Variants in PIEZO2 observed in about 807,000 individuals in gnomAD.
The protein encoded by PIEZO2 is piezo-type mechanosensitive ion channel component 2.
A neutral mutation model predicts 337.3 loss-of-function variants in PIEZO2; 172 were observed. The ratio of observed to expected loss-of-function variants is 0.51; its 90% CI spans 0.45 to 0.58. The LOEUF (loss-of-function observed/expected upper bound fraction) is 0.58, where lower values mean the gene tolerates loss of function less well. Ranked by LOEUF, PIEZO2 falls within the 20% of genes least tolerant of loss-of-function variation. The pLI is 0.00. For synonymous variants in PIEZO2, 1,251 were observed against 1,228.5 expected (o/e 1.02, Z -0.38); for missense variants, 3,028 against 3,391.3 (o/e 0.89, Z 2.66).
At chr18:10,742,223 C>G (rs1329100928) in intron 32 of PIEZO2, among the ~76,000 whole-genome samples, 6 of 152,196 alleles carry the variant, frequency 3.9e-5, no homozygotes, top group African/African-American at 1.4e-4. Context: ...ACTGCAGAAA[C>G]AGATGTCTGT....
Position 10,987,027 on chromosome 18 carries a change from A to G in PIEZO2, c.161-7367T>C, listed in dbSNP as rs141459298. ...GAGGTGAAAGATCTGTACATTGACT[A>G]GTATAAAACATTGTTGAAAGAAATT... On this transcript the variant is annotated intron_variant, in intron 2 of 55. Coordinates refer to ENST00000674853, the MANE Select transcript of PIEZO2 (RefSeq NM_001378183.1). Among the ~76,000 whole-genome samples, 76 of 152,190 alleles carry G rather than the reference A, an allele frequency of 5.0e-4. No homozygotes were observed. In the East Asian group the frequency reaches 8.5e-3, roughly 17 times the overall value.
At position 11,110,689 on chromosome 18, in the gene PIEZO2, C is replaced by T. The variant is rs570537470; in HGVS notation, c.64+37836G>A. On this transcript the variant is annotated intron_variant, in intron 1 of 55. Coordinates refer to ENST00000674853, the MANE Select transcript of PIEZO2 (RefSeq NM_001378183.1). This position sits in a 1 kb window ranked among gnomAD's most constrained non-coding sequence, Gnocchi z 4.2. ...TGATGCGATGCCTCGTCATCCTTTC[C>T]GCCCCTCCCCGCCCCGGCCCGCCCG... 1.1e-4 allele frequency among the ~76,000 whole-genome samples: 17 copies of T among 152,338 alleles called. No homozygotes were observed. In the East Asian group the frequency reaches 2.1e-3, roughly 19 times the overall value.
rs550383480 is a variant in PIEZO2, at chr18:11,077,451, G to A, written c.65-11229C>T. Among the ~76,000 whole-genome samples the A allele has an allele frequency of 1.9e-4, 29 of 152,234 alleles. No homozygotes were observed. Among genetic ancestry groups the A allele is most frequent in the African/African-American group, 6.7e-4 (28 of 41,532 alleles). The stretch of plus-strand genomic sequence containing the variant: ...GGAGGCAGAGGCAGGAGGATTGCTT[G>A]AGACCAGGAATTTGAGACCAACCTG... On this transcript the variant is annotated intron_variant, in intron 1 of 55. Coordinates refer to ENST00000674853, the MANE Select transcript of PIEZO2 (RefSeq NM_001378183.1). This position sits in a 1 kb window ranked among gnomAD's most constrained non-coding sequence, Gnocchi z 4.8.
rs111319895 is a variant in PIEZO2, at chr18:10,726,665, C to T, written c.5029+4742G>A. The T allele has an allele frequency of 1.8e-5, 25 of 1,426,444 alleles. No individual in the cohort carries two copies. Among genetic ancestry groups the T allele is most frequent in the African/African-American group, 1.4e-4 (10 of 69,554 alleles). 88.4% of individuals were successfully genotyped at this position (1,426,444 alleles called of 1,614,324 possible). On this transcript the variant is annotated intron_variant, in intron 36 of 55. Coordinates refer to ENST00000674853, the MANE Select transcript of PIEZO2 (RefSeq NM_001378183.1). The surrounding 1 kb of genome is among the most constrained non-coding windows in gnomAD (Gnocchi z 5.9). ...CGCGCCAAGCGCGGCCAGACAGACA[C>T]CTCGCTGCCAAGTTAATTCAGCAAG...
Position 10,770,172 on chromosome 18 carries a change from G to A in PIEZO2, c.2922C>T (p.Tyr974=), listed in dbSNP as rs1333902585. ...CCTCTTTCACAGAAACCCAGATAATGTAAGAGGAAACGATTTTGATGATGT... is the reference window on the plus strand; with the variant it reads ...CCTCTTTCACAGAAACCCAGATAATATAAGAGGAAACGATTTTGATGATGT... ...ELHIIKIVSS[Y]IIWVSVKEVS... The change falls in exon 21 of 56, where the codon TAC becomes TAT. Residue 974 remains tyrosine (Y), a synonymous_variant. Transcript: ENST00000674853. 6.5e-7 allele frequency: 1 copy of A among 1,537,204 alleles called. No individual in the cohort carries two copies. Among genetic ancestry groups the A allele is most frequent in the South Asian group, 1.2e-5 (1 of 84,052 alleles).
intron 4 of PIEZO2, among the ~76,000 whole-genome samples, chr18:10,874,225 T>A (rs115333826): frequency 0.021 from 3,176 of 152,056 alleles, 109 homozygotes; most frequent in African/African-American, 0.072. Flanking sequence ...ATGCTCAGCA[T>A]CACTCATCAT....
At position 11,143,218 on chromosome 18, in the gene PIEZO2, G is replaced by C. The variant is rs9964710; in HGVS notation, c.64+5307C>G. On this transcript the variant is annotated intron_variant, in intron 1 of 55. Coordinates refer to ENST00000674853, the MANE Select transcript of PIEZO2 (RefSeq NM_001378183.1). This position sits in a 1 kb window ranked among gnomAD's most constrained non-coding sequence, Gnocchi z 4.9. Reference sequence around the variant, plus strand: ...AAATCTTATAAGCTGTAATGTTGTAGATTATACACATGGTATCATATTGTT... The same window carrying C: ...AAATCTTATAAGCTGTAATGTTGTACATTATACACATGGTATCATATTGTT... 9.2e-3 allele frequency among the ~76,000 whole-genome samples: 1,405 copies of C among 152,240 alleles called. 22 individuals are homozygous for C. Among genetic ancestry groups the C allele is most frequent in the African/African-American group, 0.029 (1,224 of 41,528 alleles).
At position 10,871,316 on chromosome 18, in the gene PIEZO2, A is replaced by G; in HGVS notation, c.429T>C (p.Ile143=). ...SLTIWLLCRN[I]VQKPVTDEAA... is the part of the protein sequence containing the mutation. Reference sequence around the variant, plus strand: ...CTTCGTCTGTCACAGGTTTCTGAACAATGTTTCTACAGAGGAGCCAGATGG... The same window carrying G: ...CTTCGTCTGTCACAGGTTTCTGAACGATGTTTCTACAGAGGAGCCAGATGG... The change falls in exon 5 of 56, where the codon ATT becomes ATC. Residue 143 remains isoleucine, a synonymous_variant. Transcript: ENST00000674853. 1 of 1,537,274 alleles carries G rather than the reference A, an allele frequency of 6.5e-7. No homozygotes were observed. Among genetic ancestry groups the G allele is most frequent in the Non-Finnish European group, 8.7e-7 (1 of 1,146,860 alleles).
intron 3 of PIEZO2, among the ~76,000 whole-genome samples, chr18:10,966,251 C>G (rs1292374708): frequency 6.6e-6 from 1 of 152,144 alleles, no homozygotes; most frequent in Admixed American, 6.5e-5. Context: ...TAGCCCACTC[C>G]TAAGCCATTC....
In PIEZO2 at chr18:10,982,124, G is replaced by A. The variant is rs1421633150; in HGVS notation, c.161-2464C>T. ...TCAGTAGGCATATTTGTCTTTTCTT[G>A]ATTTCAAAGAGAAAGCTTTCAAGAG... On this transcript the variant is annotated intron_variant, in intron 2 of 55. Coordinates refer to ENST00000674853, the MANE Select transcript of PIEZO2 (RefSeq NM_001378183.1). This position sits in a 1 kb window ranked among gnomAD's most constrained non-coding sequence, Gnocchi z 4.1. Among the ~76,000 whole-genome samples the A allele has an allele frequency of 6.6e-6, 1 of 152,090 alleles. No homozygotes were observed. The highest frequency in any genetic ancestry group is 1.5e-5 in the Non-Finnish European group (1 of 68,004).
rs2144017997 is a variant in PIEZO2 at position 10,726,235 on chromosome 18, G to A, written c.5029+5172C>T. On this transcript the variant is annotated intron_variant, in intron 36 of 55. Transcript: ENST00000674853. This position sits in a 1 kb window ranked among gnomAD's most constrained non-coding sequence, Gnocchi z 5.9. Reference sequence around the variant, plus strand: ...GAGGGGCTTCACGCTGCCTGGGGCTGGAAGAGCTTGTGTGCGAGCCTGTGT... The same window carrying A: ...GAGGGGCTTCACGCTGCCTGGGGCTAGAAGAGCTTGTGTGCGAGCCTGTGT... The A allele has an allele frequency of 4.1e-6, 3 of 730,128 alleles. No homozygotes were observed. The highest frequency in any genetic ancestry group is 1.5e-5 in the South Asian group (1 of 66,146). 45.2% of individuals were successfully genotyped at this position (730,128 alleles called of 1,614,324 possible).
intron 33 of PIEZO2, 176 bp downstream of exon 33, chr18:10,740,855 T>C (rs554599764): frequency 3.3e-5 from 24 of 718,872 alleles, no homozygotes; most frequent in African/African-American, 1.2e-4. Flanking sequence ...TCTGGAAGAA[T>C]TGGACCCCGG....
At position 10,690,997 on chromosome 18, in the gene PIEZO2, A is replaced by C. The variant is rs140345565; in HGVS notation, c.7349+228T>G. Among the ~76,000 whole-genome samples, 2,917 of 152,314 alleles carry C rather than the reference A, an allele frequency of 0.019. 39 individuals are homozygous for C. The highest frequency in any genetic ancestry group is 0.028 in the Non-Finnish European group (1,930 of 68,018). On this transcript the variant is annotated intron_variant, in intron 48 of 55. Coordinates refer to ENST00000674853, the MANE Select transcript of PIEZO2 (RefSeq NM_001378183.1). ...TATCACAGTAATTATGCAGGATACT[A>C]ACCCACGTGGATGAATGTAGAACAG...
At chr18:10,983,263 G>T (rs2034738432) in intron 2 of PIEZO2, among the ~76,000 whole-genome samples, 1 of 152,110 alleles carries the variant, frequency 6.6e-6, no homozygotes, top group Non-Finnish European at 1.5e-5. Context: ...CCATGGACAT[G>T]AATATTTTTG....
rs1412912576 is a variant in PIEZO2, at chr18:10,895,115, T to C, written c.329+16071A>G. Among the ~76,000 whole-genome samples, 1 of 152,212 alleles carries C rather than the reference T, an allele frequency of 6.6e-6. No homozygotes were observed. The highest frequency in any genetic ancestry group is 2.4e-5 in the African/African-American group (1 of 41,456). On this transcript the variant is annotated intron_variant, in intron 4 of 55. Coordinates refer to ENST00000674853, the MANE Select transcript of PIEZO2 (RefSeq NM_001378183.1). The surrounding 1 kb of genome is among the most constrained non-coding windows in gnomAD (Gnocchi z 4.8). ...TGTCCTCCAGGCACTTAGATGCCAC[T>C]GGCTTCTAGCTCCCACCAGGTTATT...
At chr18:11,137,231 A>G (rs911915932) in intron 1 of PIEZO2, among the ~76,000 whole-genome samples, 2 of 152,116 alleles carry the variant, frequency 1.3e-5, no homozygotes, top group Non-Finnish European at 2.9e-5. Flanking sequence ...CATCTCTAAC[A>G]TGGTAAAAAA....
chr18:10,814,892 G>A (rs1345306495), intron 7 of PIEZO2, among the ~76,000 whole-genome samples: 1 of 152,202 alleles, frequency 6.6e-6, no homozygotes, highest in Non-Finnish European at 1.5e-5. Flanking sequence ...CTGCGTTTCT[G>A]TAAGCGAGTC....
chr18:11,129,697 T>C lies in PIEZO2; in HGVS notation c.64+18828A>G, dbSNP rs1462701182. On this transcript the variant is annotated intron_variant, in intron 1 of 55. Transcript: ENST00000674853. The surrounding 1 kb of genome is among the most constrained non-coding windows in gnomAD (Gnocchi z 4.6). ...TCTCCCATTCTTCCCCAAGGAGACC[T>C]CCAGACTTTTACCAGGGTAACTGTG... Among the ~76,000 whole-genome samples the C allele has an allele frequency of 6.6e-6, 1 of 152,122 alleles. No individual in the cohort carries two copies. Among genetic ancestry groups the C allele is most frequent in the African/African-American group, 2.4e-5 (1 of 41,424 alleles).
chr18:11,046,078 C>A (rs2037302985), intron 2 of PIEZO2, among the ~76,000 whole-genome samples: 1 of 152,182 alleles, frequency 6.6e-6, no homozygotes, highest in Admixed American at 6.5e-5. Context: ...AGGCAACTGT[C>A]CCCTAACCTC....
Sources: allele counts gnomAD v4.1 joint callset (sites outside exome capture counted in the v4.1 genomes callset), GRCh38; gene constraint gnomAD v4.1.1; non-coding constraint Gnocchi (gnomAD v3.1); transcripts MANE v1.5; gene names NCBI Gene and HGNC (gene_info 2026-07-23, HGNC 2026-07-21).